SLC38A5: variants seen among roughly 807,000 people sequenced by gnomAD.
The protein encoded by SLC38A5 is solute carrier family 38 member 5.
SLC38A5 carries 9 observed loss-of-function variants against 34.6 expected under a neutral mutation model. The ratio of observed to expected loss-of-function variants is 0.26; its 90% CI spans 0.16 to 0.45. The LOEUF (loss-of-function observed/expected upper bound fraction) is 0.45, where lower values mean the gene tolerates loss of function less well. Ranked by LOEUF, SLC38A5 falls within the 20% of genes least tolerant of loss-of-function variation. The pLI, the probability that SLC38A5 is intolerant of heterozygous loss-of-function variation, is 1.00. For missense variants in SLC38A5, 253 were observed against 394.7 expected, an observed-to-expected ratio of 0.64 and a Z score of 3.04; for synonymous variants, 157 against 155.6, an observed-to-expected ratio of 1.01 and a Z score of -0.07.
intron 8 of SLC38A5, among the ~76,000 whole-genome samples, chrX:48,463,978 C>T (rs1456202351): frequency 9.0e-6 from 1 of 111,556 alleles, no homozygotes; most frequent in Admixed American, 9.5e-5. Context: ...GAGTCACGAT[C>T]GTGGTATGTC....
chrX:48,464,515 G>GA (rs2147068491), intron 8 of SLC38A5, among the ~76,000 whole-genome samples: 1 of 112,652 alleles, frequency 8.9e-6, no homozygotes, highest in East Asian at 2.8e-4. Flanking sequence ...TGTCAGACTG[G>GA]CCGGGTGTGG....
At chrX:48,460,080 G>A (rs781798523) in intron 14 of SLC38A5, among the ~76,000 whole-genome samples, 44 of 110,816 alleles carry the variant, frequency 4.0e-4, no homozygotes, top group Non-Finnish European at 8.0e-4. Flanking sequence ...GACAATCCAC[G>A]TCTCTTCCTT....
rs781952021 is a variant in SLC38A5 at position 48,466,278 on chromosome X, C to T, written c.364G>A (p.Ala122Thr). The T allele has an allele frequency of 8.3e-7, 1 of 1,206,714 alleles. No individual in the cohort carries two copies. Among genetic ancestry groups the T allele is most frequent in the South Asian group, 1.8e-5 (1 of 55,769 alleles). Residue 122 changes from alanine to threonine, a missense_variant, in exon 7 of 17, where the codon GCG becomes ACG. This residue lies in a region of SLC38A5 where 37 missense variants were observed against 85.3 expected (regional missense o/e 0.43). Coordinates refer to ENST00000620913, the MANE Select transcript of SLC38A5 (RefSeq NM_033518.4). Reference sequence around the variant, plus strand: ...ACTGTGGCCACCACTACCTTCCCCGCAGGCCCGAATGCCCTCTGTCCCAGC... The same window carrying T: ...ACTGTGGCCACCACTACCTTCCCCGTAGGCCCGAATGCCCTCTGTCCCAGC... ...EQLGQRAFGP[A>T]GKVVVATVIC...
At chrX:48,463,224 C>T (rs1019429363) in intron 8 of SLC38A5, among the ~76,000 whole-genome samples, 4 of 112,733 alleles carry the variant, frequency 3.5e-5, no homozygotes, top group African/African-American at 1.3e-4. Context: ...AACACATACA[C>T]AGCTGGACAA....
Position 48,467,872 on chromosome X carries a change from C to T in SLC38A5, c.53G>A (p.Gly18Asp). ...CCACCTCCTTGGACCCCTGACTCACCCCACAGCATCCGAAGGGAGGGCTCC... is the reference window on the plus strand; with the variant it reads ...CCACCTCCTTGGACCCCTGACTCACTCCACAGCATCCGAAGGGAGGGCTCC... ...MNGALPSDAV[G>D]YRQEREGFLP... is the part of the protein sequence containing the mutation. Residue 18 changes from glycine to aspartate, a missense_variant and splice_region_variant, in exon 3 of 17, where the codon GGC (glycine) becomes GAC (aspartate). Gly to Asp is a moderately conservative substitution (Grantham distance 94). Transcript: ENST00000620913. 8.3e-7 allele frequency: 1 copy of T among 1,207,959 alleles called. No homozygotes were observed. The highest frequency in any genetic ancestry group is 1.1e-6 in the Non-Finnish European group (1 of 893,482).
At chrX:48,465,993 C>T (rs782358548) in intron 8 of SLC38A5, 22 bp downstream of exon 8, 1 of 1,159,640 alleles carries the variant, frequency 8.6e-7, no homozygotes, top group Non-Finnish European at 1.2e-6. Context: ...TGCTGGCCAG[C>T]CAAGGGGTGT....
chrX:48,466,197 C>G lies in SLC38A5; in HGVS notation c.412+33G>C, dbSNP rs781808114. The G allele has an allele frequency of 3.9e-5, 46 of 1,165,679 alleles. No individual in the cohort carries two copies. The African/African-American group carries it at 6.7e-4, about 17-fold the overall frequency. ...AGCCCACCTCACTCCGCCCTCTCCC[C>G]CCAAGCTGACCCCCACCTCCCAGAG... On this transcript the variant is annotated intron_variant, in intron 7 of 16. Transcript: ENST00000620913.
chrX:48,463,911 G>GAGAA (rs1329107578), intron 8 of SLC38A5, among the ~76,000 whole-genome samples: 1 of 97,509 alleles, frequency 1.0e-5, no homozygotes, highest in Non-Finnish European at 2.1e-5. Context: ...AAGAAAGAAA[G>GAGAA]AGAAAGAAAG....
chrX:48,466,769 G>A, intron 6 of SLC38A5, 30 bp downstream of exon 6: 1 of 1,171,810 alleles, frequency 8.5e-7, no homozygotes, highest in African/African-American at 1.8e-5. Context: ...GGGGTGGAGT[G>A]GGGACTGGGA....
chrX:48,458,691 T>TCCTCCTCCA lies in SLC38A5; in HGVS notation c.*241_*242insTGGAGGAGG. 1.0e-6 allele frequency: 1 copy of TCCTCCTCCA among 987,920 alleles called. No individual in the cohort carries two copies. The highest frequency in any genetic ancestry group is 1.3e-6 in the Non-Finnish European group (1 of 784,605). The allele number at this position is 987,920 out of a possible 1,213,427, so 81.4% of individuals were successfully genotyped here. A position where few individuals can be genotyped will look rare whatever the true frequency, so the allele number is the denominator to read the frequency against. ...CTCCTCCTCCTCCTCCTCCTCCTCC[T>TCCTCCTCCA]CCTCTTCTTCCTCCTCCTCCTCCTC... On this transcript the variant is annotated 3_prime_UTR_variant, in exon 17 of 17. Coordinates refer to ENST00000620913, the MANE Select transcript of SLC38A5 (RefSeq NM_033518.4).
At chrX:48,463,660 C>A (rs1556962463) in intron 8 of SLC38A5, among the ~76,000 whole-genome samples, 2 of 103,170 alleles carry the variant, frequency 1.9e-5, no homozygotes, top group African/African-American at 3.6e-5. Context: ...GCCTGTAATC[C>A]CAGCTACTCG....
intron 12 of SLC38A5, 126 bp from the exon 13 acceptor site, chrX:48,461,212 G>T: frequency 3.7e-6 from 2 of 544,428 alleles, no homozygotes; most frequent in Non-Finnish European, 6.1e-6. Flanking sequence ...CACACATGGG[G>T]ACACCCGTCT....
At chrX:48,464,797 G>A (rs183005406) in intron 8 of SLC38A5, among the ~76,000 whole-genome samples, 1 of 110,492 alleles carries the variant, frequency 9.1e-6, no homozygotes, top group East Asian at 2.8e-4. Flanking sequence ...AACCGAGCAT[G>A]GTGGTGCATG....
intron 2 of SLC38A5, chrX:48,468,419 C>T (rs781796063): frequency 9.2e-6 from 7 of 759,127 alleles, no homozygotes; most frequent in South Asian, 1.3e-4. Flanking sequence ...GGACACGTGT[C>T]GGCCTGGCTG....
At chrX:48,464,480 T>C (rs2061461843) in intron 8 of SLC38A5, among the ~76,000 whole-genome samples, 2 of 111,305 alleles carry the variant, frequency 1.8e-5, no homozygotes, top group African/African-American at 6.5e-5. Context: ...ACACAGAGAG[T>C]AAAGATCAAG....
In SLC38A5 at chrX:48,463,853, GAGAAAGAAAGAAAGAAAGAA is replaced by G. The variant is rs201520618; in HGVS notation, c.492-893_492-874del. 9.9e-3 allele frequency among the ~76,000 whole-genome samples: 763 copies of G among 76,988 alleles called. 4 individuals carry two copies. The highest frequency in any genetic ancestry group is 0.016 in the East Asian group (37 of 2,345). 66.9% of individuals were successfully genotyped at this position (76,988 alleles called of 115,157 possible). ...AAAGAGAAAGGAAGAAAGAAAGAGAGAGAAAGAAAGAAAGAAAGAAAGAAAGAAAGAAAGAAAGAAAGAAA... is the reference window on the plus strand; with the variant it reads ...AAAGAGAAAGGAAGAAAGAAAGAGAGAGAAAGAAAGAAAGAAAGAAAGAAA... On this transcript the variant is annotated intron_variant, in intron 8 of 16. Coordinates refer to ENST00000620913, the MANE Select transcript of SLC38A5 (RefSeq NM_033518.4).
At chrX:48,466,444 G>A (rs2061477296) in intron 6 of SLC38A5, 122 bp from the exon 7 acceptor site, 1 of 677,699 alleles carries the variant, frequency 1.5e-6, no homozygotes, top group East Asian at 3.5e-5. Flanking sequence ...GATGGAGGAT[G>A]AAGGTGGGGG....
chrX:48,465,808 G>T (rs782028675), intron 8 of SLC38A5, among the ~76,000 whole-genome samples: 30 of 111,566 alleles, frequency 2.7e-4, no homozygotes, highest in Admixed American at 1.6e-3. Flanking sequence ...GCCAGAATAA[G>T]TCACAAAATC....
chrX:48,463,778 A>G (rs1240594010), intron 8 of SLC38A5, among the ~76,000 whole-genome samples: 1 of 104,458 alleles, frequency 9.6e-6, no homozygotes, highest in African/African-American at 3.5e-5. Context: ...CACTCAAAAA[A>G]AAAAAAAAAA....
Sources: allele counts gnomAD v4.1 joint callset (sites outside exome capture counted in the v4.1 genomes callset), GRCh38; gene constraint gnomAD v4.1.1; regional missense constraint gnomAD v4.1.1; transcripts MANE v1.5; gene names NCBI Gene and HGNC (gene_info 2026-07-23, HGNC 2026-07-21).